Variants in MAF observed in about 807,000 individuals in gnomAD.
The protein encoded by MAF is MAF bZIP transcription factor.
Under a neutral mutation model 22.0 loss-of-function variants are expected in MAF, and 10 were observed. The ratio of observed to expected loss-of-function variants is 0.45; its 90% confidence interval spans 0.28 to 0.77. The LOEUF (loss-of-function observed/expected upper bound fraction) is 0.77. MAF is among the 30% of genes least tolerant of loss of function. MAF has a pLI of 0.12. For synonymous variants in MAF, 337 were observed against 255.8 expected, an observed-to-expected ratio of 1.32 and a Z score of -3.03; for missense variants, 544 against 548.4, an observed-to-expected ratio of 0.99 and a Z score of 0.08.
chr16:79,495,130 G>A, the MAF span, among the ~76,000 whole-genome samples: 1 of 152,028 alleles, frequency 6.6e-6, no homozygotes, highest in African/African-American at 2.4e-5. Flanking sequence ...TATTTGGTAG[G>A]CGTGATTGAT....
At chr16:79,383,763 G>C in the MAF span, among the ~76,000 whole-genome samples, 1 of 152,172 alleles carries the variant, frequency 6.6e-6, no homozygotes, top group Non-Finnish European at 1.5e-5. Context: ...AAGACTTACA[G>C]ATGTGCTCAT....
the MAF span, among the ~76,000 whole-genome samples, chr16:79,421,738 G>A: frequency 7.9e-5 from 12 of 151,654 alleles, no homozygotes; most frequent in Non-Finnish European, 1.2e-4. Context: ...CTGGGCTCAA[G>A]CATCCTCCTG....
the MAF span, among the ~76,000 whole-genome samples, chr16:79,411,963 T>C: frequency 1.3e-5 from 2 of 152,284 alleles, no homozygotes; most frequent in East Asian, 1.9e-4. Flanking sequence ...GCTCCATAAG[T>C]GGCAGTAGTG....
the MAF span, among the ~76,000 whole-genome samples, chr16:79,403,990 C>T: frequency 6.6e-6 from 1 of 152,096 alleles, no homozygotes; most frequent in Non-Finnish European, 1.5e-5. Context: ...AAACTCACCT[C>T]CGTCCATGCA....
downstream of MAF, among the ~76,000 whole-genome samples, chr16:79,581,983 T>G (rs1247184499): frequency 6.6e-6 from 1 of 152,206 alleles, no homozygotes; most frequent in African/African-American, 2.4e-5. Flanking sequence ...TTATAAGTGC[T>G]AATAATTTTA....
chr16:79,293,263 A>G, the MAF span, among the ~76,000 whole-genome samples: 5 of 152,146 alleles, frequency 3.3e-5, no homozygotes, highest in East Asian at 1.9e-4. Flanking sequence ...AGCCACCCCA[A>G]TAAGACTCCA....
the MAF span, among the ~76,000 whole-genome samples, chr16:79,304,729 A>G: frequency 5.3e-5 from 8 of 152,242 alleles, no homozygotes; most frequent in Non-Finnish European, 1.2e-4. Flanking sequence ...GTTTCAGAGA[A>G]AAAGTGCCAT....
At chr16:79,513,469 G>C in the MAF span, among the ~76,000 whole-genome samples, 2 of 152,216 alleles carry the variant, frequency 1.3e-5, no homozygotes, top group Non-Finnish European at 2.9e-5. Context: ...CTGGAGCACA[G>C]CAGACGGTCA....
the MAF span, among the ~76,000 whole-genome samples, chr16:79,447,616 C>G: frequency 6.6e-6 from 1 of 152,020 alleles, no homozygotes; most frequent in Non-Finnish European, 1.5e-5. Flanking sequence ...ATTCACCGTT[C>G]TAGATGCCAT....
At chr16:79,517,251 C>A in the MAF span, among the ~76,000 whole-genome samples, 1 of 152,202 alleles carries the variant, frequency 6.6e-6, no homozygotes, top group African/African-American at 2.4e-5. Context: ...ACCATTCCCA[C>A]CTGGCTTCAG....
chr16:79,330,178 T>A, the MAF span, among the ~76,000 whole-genome samples: 3 of 152,206 alleles, frequency 2.0e-5, no homozygotes, highest in African/African-American at 7.2e-5. Context: ...TATCTACACA[T>A]GCCGCCTGCA....
At chr16:79,265,124 C>T in the MAF span, among the ~76,000 whole-genome samples, 1 of 152,122 alleles carries the variant, frequency 6.6e-6, no homozygotes, top group Admixed American at 6.6e-5. Context: ...CACCTAGGCA[C>T]ACATGGATAT....
At chr16:79,299,347 G>GAAAAAAAAAAAAAAAAAAAAA in the MAF span, among the ~76,000 whole-genome samples, 1 of 86,838 alleles carries the variant, frequency 1.2e-5, no homozygotes, top group Non-Finnish European at 2.5e-5. Context: ...CAAAGAAAAA[G>GAAAAAAAAAAAAAAAAAAAAA]AAAAAAAAAA....
chr16:79,492,067 C>A, the MAF span, among the ~76,000 whole-genome samples: 1 of 152,130 alleles, frequency 6.6e-6, no homozygotes, highest in African/African-American at 2.4e-5. Flanking sequence ...TTGCAAAGAT[C>A]TCTGTGAATA....
chr16:79,275,869 C>G, the MAF span, among the ~76,000 whole-genome samples: 1 of 152,060 alleles, frequency 6.6e-6, no homozygotes, highest in African/African-American at 2.4e-5. Context: ...AGGCAGGGTG[C>G]GGGGGCTCAT....
chr16:79,437,483 G>A, the MAF span, among the ~76,000 whole-genome samples: 1 of 152,104 alleles, frequency 6.6e-6, no homozygotes. Context: ...AAGTCGGGCT[G>A]ATGGGACTTT....
the MAF span, among the ~76,000 whole-genome samples, chr16:79,440,266 G>A: frequency 6.6e-6 from 1 of 152,174 alleles, no homozygotes; most frequent in Non-Finnish European, 1.5e-5. Flanking sequence ...CTGCCTTGAA[G>A]CACACACCAT....
At chr16:79,444,549 A>G in the MAF span, among the ~76,000 whole-genome samples, 1 of 152,192 alleles carries the variant, frequency 6.6e-6, no homozygotes, top group East Asian at 1.9e-4. Flanking sequence ...CCATACTGAG[A>G]ATGAAATAAG....
chr16:79,414,423 C>A, the MAF span, among the ~76,000 whole-genome samples: 1 of 152,098 alleles, frequency 6.6e-6, no homozygotes, highest in African/African-American at 2.4e-5. Context: ...TTTTAAAAAT[C>A]AATCAGATCT....
Sources: gnomAD v4.1 joint callset for allele counts (sites outside exome capture counted in the v4.1 genomes callset) on GRCh38, gnomAD v4.1.1 for gene constraint, MANE v1.5 for transcripts, NCBI Gene and HGNC (gene_info 2026-07-23, HGNC 2026-07-21) for gene names.